BCL6: variants seen among roughly 807,000 people sequenced by gnomAD.
BCL6 encodes BCL6 transcription repressor.
Under a neutral mutation model 59.5 loss-of-function variants are expected in BCL6, and 7 were observed. The observed-to-expected ratio is 0.12, with a 90% CI of 0.07 to 0.22. BCL6 has a LOEUF of 0.22. BCL6 is among the 10% of genes least tolerant of loss of function. The pLI, the probability that BCL6 is intolerant of heterozygous loss-of-function variation, is 1.00. For missense variants in BCL6, 685 were observed against 939.4 expected (o/e 0.73, Z 3.54); for synonymous variants, 339 against 349.7 (o/e 0.97, Z 0.34).
chr3:187,732,722 G>A (rs1162901278), intron 3 of BCL6, among the ~76,000 whole-genome samples: 2 of 152,202 alleles, frequency 1.3e-5, no homozygotes, highest in East Asian at 3.8e-4. Context: ...ACCTTATAGT[G>A]TTGTGGCAAG....
intron 5 of BCL6, 69 bp from the exon 6 acceptor site, chr3:187,728,613 G>T: frequency 6.8e-7 from 1 of 1,476,924 alleles, no homozygotes; most frequent in African/African-American, 1.4e-5. Context: ...TCCTCCCTGT[G>T]TGTAGGCAAG....
At chr3:187,745,129 T>TG in intron 1 of BCL6, among the ~76,000 whole-genome samples, 1 of 151,932 alleles carries the variant, frequency 6.6e-6, no homozygotes, top group Middle Eastern at 3.4e-3. Context: ...ACAATAATAA[T>TG]AATAAATACA....
In BCL6 at chr3:187,728,482, G is replaced by C; in HGVS notation, c.1418C>G (p.Pro473Arg). The change falls in exon 6 of 10, where the codon CCG becomes CGG. Residue 473 changes from proline (P) to arginine (R), a missense_variant. Pro to Arg is a moderately radical substitution (Grantham distance 103, BLOSUM62 -2). Around this residue, in one of 7 missense-constraint regions of BCL6, gnomAD observed 207 missense variants for 213.7 expected, o/e 0.97. Transcript: ENST00000406870. ...ESHSPLYMHP[P>R]KCTSCGSQSP... is the part of the protein sequence containing the mutation. ...CTGAGAGCCGCAGGACGTGCACTTC[G>C]GGGGGTGCATGTAGAGTGGTGAGTG... The C allele has an allele frequency of 3.1e-6, 5 of 1,611,398 alleles. No individual in the cohort carries two copies. Among genetic ancestry groups the C allele is most frequent in the African/African-American group, 1.3e-5 (1 of 74,824 alleles).
chr3:187,725,197 C>T lies in BCL6; in HGVS notation c.1840-119G>A. On this transcript the variant is annotated intron_variant, in intron 8 of 9. Transcript: ENST00000406870. The surrounding 1 kb of genome is among the most constrained non-coding windows in gnomAD (Gnocchi z 4.7). ...CTCCAGGCCACTCTGCTCACCTGCA[C>T]ACAGGGACTGAGTGGGCCTTTCTGC... 6.8e-7 allele frequency: 1 copy of T among 1,460,356 alleles called. No homozygotes were observed. The highest frequency in any genetic ancestry group is 9.4e-7 in the Non-Finnish European group (1 of 1,066,516). 90.5% of individuals were successfully genotyped at this position (1,460,356 alleles called of 1,614,324 possible).
intron 3 of BCL6, among the ~76,000 whole-genome samples, chr3:187,732,988 A>C (rs1719118528): frequency 6.6e-6 from 1 of 152,178 alleles, no homozygotes. Context: ...AGACTACTAA[A>C]AAGATCCAGG....
At position 187,725,686 on chromosome 3, in the gene BCL6, A is replaced by C; in HGVS notation, c.1709-57T>G. On this transcript the variant is annotated intron_variant, in intron 7 of 9. Transcript: ENST00000406870. This position sits in a 1 kb window ranked among gnomAD's most constrained non-coding sequence, Gnocchi z 4.7. ...CATATTCAATAAGGAAGGTCTCTGC[A>C]GTCCGTGGCTCCTGGATTTCTAAGC... 2 of 1,602,462 alleles carry C rather than the reference A, an allele frequency of 1.2e-6. No individual in the cohort carries two copies. The highest frequency in any genetic ancestry group is 1.7e-6 in the Non-Finnish European group (2 of 1,173,122).
In BCL6 at chr3:187,725,439, TCCG is replaced by T; in HGVS notation, c.1839+57_1839+59del. 5 of 1,545,028 alleles carry T rather than the reference TCCG, an allele frequency of 3.2e-6. No homozygotes were observed. Among genetic ancestry groups the T allele is most frequent in the Non-Finnish European group, 4.3e-6 (5 of 1,149,670 alleles). ...ACTCCTCCGCTTGCCTGCCCACTCC[TCCG>T]CTCGCCTGCCCGCTCCGCTCGCCTG... is the stretch of plus-strand genomic sequence containing the variant. On this transcript the variant is annotated intron_variant, in intron 8 of 9. Coordinates refer to ENST00000406870, the MANE Select transcript of BCL6 (RefSeq NM_001706.5). The surrounding 1 kb of genome is among the most constrained non-coding windows in gnomAD (Gnocchi z 4.7).
chr3:187,739,863 G>A (rs528900514), intron 1 of BCL6, among the ~76,000 whole-genome samples: 1 of 152,192 alleles, frequency 6.6e-6, no homozygotes, highest in Non-Finnish European at 1.5e-5. Context: ...GATCTGGAAA[G>A]AAGTCAGCCA....
At chr3:187,740,421 C>G (rs1283130984) in intron 1 of BCL6, among the ~76,000 whole-genome samples, 1 of 152,026 alleles carries the variant, frequency 6.6e-6, no homozygotes, top group East Asian at 1.9e-4. Context: ...GTGTCATTAC[C>G]GAAAATCTTA....
At chr3:187,743,022 C>CTT (rs3054746) in intron 1 of BCL6, among the ~76,000 whole-genome samples, 23,461 of 146,430 alleles carry the variant, frequency 0.16, 2,142 homozygotes, top group East Asian at 0.29. Context: ...GCCGCCCCCT[C>CTT]TTTTTTTTTT....
Position 187,729,238 on chromosome 3 carries a change from A to G in BCL6, c.1167T>C (p.Asn389=). The G allele has an allele frequency of 6.2e-7, 1 of 1,614,156 alleles. No individual in the cohort carries two copies. Among genetic ancestry groups the G allele is most frequent in the Non-Finnish European group, 8.5e-7 (1 of 1,180,032 alleles). ...CCTGCTCAGGCCCCTCTGGTTTGGCATTCTGGTTGAGGCTGTTGAGCACGA... is the reference window on the plus strand; with the variant it reads ...CCTGCTCAGGCCCCTCTGGTTTGGCGTTCTGGTTGAGGCTGTTGAGCACGA... ...KFIVLNSLNQ[N]AKPEGPEQAE... is the part of the protein sequence containing the mutation. The change falls in exon 5 of 10, where the codon AAT becomes AAC. Residue 389 remains asparagine, a synonymous_variant. Coordinates refer to ENST00000406870, the MANE Select transcript of BCL6 (RefSeq NM_001706.5). The surrounding 1 kb of genome is among the most constrained non-coding windows in gnomAD (Gnocchi z 5.6).
chr3:187,744,148 A>C (rs892789733), intron 1 of BCL6, among the ~76,000 whole-genome samples: 3 of 152,250 alleles, frequency 2.0e-5, no homozygotes, highest in Admixed American at 6.5e-5. Context: ...AAAATTTAGG[A>C]AAGGGAGGCA....
chr3:187,733,886 G>C, intron 2 of BCL6, 183 bp from the exon 3 acceptor site: 1 of 635,138 alleles, frequency 1.6e-6, no homozygotes, highest in Non-Finnish European at 2.7e-6. Context: ...AAAATGGGGA[G>C]AATAACTTTT....
chr3:187,745,049 T>TC, intron 1 of BCL6, among the ~76,000 whole-genome samples: 1 of 150,844 alleles, frequency 6.6e-6, no homozygotes, highest in African/African-American at 2.4e-5. Flanking sequence ...CCACCTCCTT[T>TC]CCAAAAACCA....
At chr3:187,723,252 T>G (rs1718512562) in intron 9 of BCL6, among the ~76,000 whole-genome samples, 1 of 152,218 alleles carries the variant, frequency 6.6e-6, no homozygotes. Context: ...AACTAAACAT[T>G]AGCAAGTGGA....
Position 187,725,618 on chromosome 3 carries a change from A to G in BCL6, c.1720T>C (p.Tyr574His). 1 of 1,614,204 alleles carries G rather than the reference A, an allele frequency of 6.2e-7. No homozygotes were observed. The highest frequency in any genetic ancestry group is 8.5e-7 in the Non-Finnish European group (1 of 1,180,042). The change falls in exon 8 of 10, where the codon TAT (tyrosine) becomes CAT (histidine). Residue 574 changes from tyrosine (Y) to histidine (H), a missense_variant. By Grantham distance (83) the Tyr-to-His change is moderately conservative (BLOSUM62 2). This residue lies in a region of BCL6 where 42 missense variants were observed against 101.7 expected (regional missense o/e 0.41). Coordinates refer to ENST00000406870, the MANE Select transcript of BCL6 (RefSeq NM_001706.5). This position sits in a 1 kb window ranked among gnomAD's most constrained non-coding sequence, Gnocchi z 4.7. ...TGGGCCCCACAGATGTTGCAACGAT[A>G]GGGTTTCTCACCTATTACCAAGAAA... ...HKTVHTGEKP[Y>H]RCNICGAQFN...
chr3:187,729,732 G>A lies in BCL6; in HGVS notation c.673C>T (p.Pro225Ser), dbSNP rs772718103. 2 of 1,614,174 alleles carry A rather than the reference G, an allele frequency of 1.2e-6. No individual in the cohort carries two copies. Among genetic ancestry groups the A allele is most frequent in the East Asian group, 2.2e-5 (1 of 44,878 alleles). ...DVRMPVANPFPKERALPCDSA... is the reference protein window; with the variant it reads ...DVRMPVANPFSKERALPCDSA... Reference sequence around the variant, plus strand: ...TCACATGGGAGTGCCCGCTCCTTGGGGAAGGGGTTGGCCACAGGCATCCGG... The same window carrying A: ...TCACATGGGAGTGCCCGCTCCTTGGAGAAGGGGTTGGCCACAGGCATCCGG... Residue 225 changes from proline (P) to serine (S), a missense_variant, in exon 5 of 10, where the codon CCC (proline) becomes TCC (serine). Physicochemically the swap from Pro to Ser is moderately conservative, Grantham distance 74. Around this residue, in one of 7 missense-constraint regions of BCL6, gnomAD observed 268 missense variants for 263.8 expected, o/e 1.02. Coordinates refer to ENST00000406870, the MANE Select transcript of BCL6 (RefSeq NM_001706.5). The surrounding 1 kb of genome is among the most constrained non-coding windows in gnomAD (Gnocchi z 5.6).
At position 187,729,035 on chromosome 3, in the gene BCL6, A is replaced by G; in HGVS notation, c.1355+15T>C. On this transcript the variant is annotated intron_variant, in intron 5 of 9. Transcript: ENST00000406870. This position sits in a 1 kb window ranked among gnomAD's most constrained non-coding sequence, Gnocchi z 5.6. ...GTAACCCCTGACCTCAGACCCAGAC[A>G]GTCTCTGAAATCACCTGTTAACGAT... 6.6e-7 allele frequency: 1 copy of G among 1,517,170 alleles called. No homozygotes were observed. Among genetic ancestry groups the G allele is most frequent in the East Asian group, 2.3e-5 (1 of 44,086 alleles). The allele number at this position is 1,517,170 out of a possible 1,614,324, so 94.0% of individuals were successfully genotyped here.
intron 9 of BCL6, among the ~76,000 whole-genome samples, chr3:187,724,101 G>A (rs746237894): frequency 3.9e-5 from 6 of 152,060 alleles, no homozygotes; most frequent in African/African-American, 4.8e-5. Flanking sequence ...GTTAACCTCC[G>A]GTATGTAGGT....
Sources: gnomAD v4.1 joint callset for allele counts (sites outside exome capture counted in the v4.1 genomes callset) on GRCh38, gnomAD v4.1.1 for gene constraint, gnomAD v4.1.1 regional missense constraint, Gnocchi (gnomAD v3.1) non-coding constraint, MANE v1.5 for transcripts, NCBI Gene and HGNC (gene_info 2026-07-23, HGNC 2026-07-21) for gene names.